Variants in HPD observed in about 807,000 individuals in gnomAD.
HPD encodes the protein 4-hydroxyphenylpyruvic acid oxidase.
HPD carries 35 observed loss-of-function variants against 56.9 expected under a neutral mutation model. That is an observed-to-expected ratio of 0.62 (90% CI 0.47 to 0.82). The LOEUF (loss-of-function observed/expected upper bound fraction) is 0.82. Ranked by LOEUF, HPD falls within the 40% of genes least tolerant of loss-of-function variation. The pLI is 0.00. For missense variants in HPD, 442 were observed against 506.8 expected (o/e 0.87, Z 1.23); for synonymous variants, 186 against 200.2 (o/e 0.93, Z 0.60).
chr12:121,883,197 T>C, the HPD span, among the ~76,000 whole-genome samples: 2 of 134,888 alleles, frequency 1.5e-5, no homozygotes, highest in Non-Finnish European at 3.0e-5. Flanking sequence ...TGTGTGTGTG[T>C]GTGTGTGTGT....
intron 6 of HPD, 53 bp from the exon 7 acceptor site, chr12:121,854,845 C>T: frequency 1.4e-6 from 2 of 1,387,264 alleles, no homozygotes; most frequent in Non-Finnish European, 2.1e-6. Context: ...CTTCCAGAAC[C>T]CTTGCCTGCT....
At chr12:121,865,946 C>T (rs779923223), upstream of HPD, among the ~76,000 whole-genome samples, 1 of 151,902 alleles carries the variant, frequency 6.6e-6, no homozygotes, top group Admixed American at 6.6e-5. Flanking sequence ...TAGATTGAGC[C>T]ACTGCACTCC....
the HPD span, among the ~76,000 whole-genome samples, chr12:121,885,214 T>C: frequency 6.6e-6 from 1 of 150,490 alleles, no homozygotes; most frequent in Non-Finnish European, 1.5e-5. Flanking sequence ...TGTATTTTTT[T>C]TTTTTTTAGA....
chr12:121,885,734 G>A, the HPD span, among the ~76,000 whole-genome samples: 5 of 151,702 alleles, frequency 3.3e-5, no homozygotes, highest in African/African-American at 1.2e-4. Flanking sequence ...AGGCTAAGGC[G>A]GGTGGATTGC....
the HPD span, among the ~76,000 whole-genome samples, chr12:121,882,049 T>A: frequency 6.6e-6 from 1 of 151,800 alleles, no homozygotes; most frequent in African/African-American, 2.4e-5. Context: ...CTCAAAGTGC[T>A]GGGATTACAG....
At chr12:121,847,010 C>T in intron 10 of HPD, 42 bp downstream of exon 10, 1 of 1,613,918 alleles carries the variant, frequency 6.2e-7, no homozygotes, top group Non-Finnish European at 8.5e-7. Flanking sequence ...GCCCCCAGAC[C>T]TCTTCCCTGC....
At chr12:121,855,560 T>C (rs1877960415) in intron 6 of HPD, among the ~76,000 whole-genome samples, 1 of 151,722 alleles carries the variant, frequency 6.6e-6, no homozygotes, top group African/African-American at 2.4e-5. Context: ...TCTACTAAAA[T>C]ACAAAAATTA....
In HPD at chr12:121,853,547, G is replaced by A. The variant is rs544228336; in HGVS notation, c.414+1156C>T. Among the ~76,000 whole-genome samples, 13 of 151,638 alleles carry A rather than the reference G, an allele frequency of 8.6e-5. No homozygotes were observed. In the East Asian group the frequency reaches 2.1e-3, roughly 25 times the overall value. The stretch of plus-strand genomic sequence containing the variant: ...TGAGGCAGGAGAATGGCGTGAACCC[G>A]GAAGGCAGCGCTTGCAGTGAGCCGA... On this transcript the variant is annotated intron_variant, in intron 7 of 13. Transcript: ENST00000289004.
the HPD span, among the ~76,000 whole-genome samples, chr12:121,883,397 A>G: frequency 6.6e-6 from 1 of 151,934 alleles, no homozygotes. Flanking sequence ...GCGCAACCTG[A>G]GACAGTTCAA....
the HPD span, among the ~76,000 whole-genome samples, chr12:121,871,128 G>A: frequency 8.5e-5 from 13 of 152,110 alleles, no homozygotes; most frequent in African/African-American, 2.9e-4. Flanking sequence ...TTGGGAGGCC[G>A]AGGCAGACAG....
upstream of HPD, chr12:121,859,278 C>T (rs117052734): frequency 3.4e-4 from 89 of 262,196 alleles, no homozygotes; most frequent in East Asian, 7.6e-3. Flanking sequence ...CTGAGAGGCA[C>T]GGCAGGAGAA....
upstream of HPD, among the ~76,000 whole-genome samples, chr12:121,866,587 G>A (rs556992000): frequency 2.1e-4 from 32 of 151,866 alleles, 1 homozygote; most frequent in African/African-American, 5.8e-4. Flanking sequence ...TCTGCTGTTG[G>A]GAGCACCCCA....
chr12:121,852,393 C>T (rs1877821950), intron 7 of HPD, among the ~76,000 whole-genome samples: 2 of 151,978 alleles, frequency 1.3e-5, no homozygotes, highest in Non-Finnish European at 2.9e-5. Context: ...TGGTCTCGAA[C>T]TCCTGGCCTC....
chr12:121,875,431 T>C, the HPD span, among the ~76,000 whole-genome samples: 350 of 150,086 alleles, frequency 2.3e-3, 7 homozygotes, highest in Admixed American at 0.017. Flanking sequence ...TTCTTTCTTT[T>C]TTTTTTTTTT....
At chr12:121,857,641 C>G (rs1399559665) in intron 3 of HPD, 116 bp downstream of exon 3, 2 of 962,474 alleles carry the variant, frequency 2.1e-6, no homozygotes, top group East Asian at 4.9e-5. Flanking sequence ...CTGGCCCACC[C>G]CTGGCCTGAT....
At chr12:121,852,425 C>T (rs1877823205) in intron 7 of HPD, among the ~76,000 whole-genome samples, 1 of 152,066 alleles carries the variant, frequency 6.6e-6, no homozygotes, top group Non-Finnish European at 1.5e-5. Flanking sequence ...CTGCCTCAGC[C>T]TCCCAAACTG....
chr12:121,854,052 A>T (rs186898600), intron 7 of HPD, among the ~76,000 whole-genome samples: 77 of 152,338 alleles, frequency 5.1e-4, no homozygotes, highest in African/African-American at 1.8e-3. Flanking sequence ...GATTGAGACC[A>T]TCCTGGCTAA....
chr12:121,852,609 A>ACCAAATGG, intron 7 of HPD, among the ~76,000 whole-genome samples: 1 of 127,490 alleles, frequency 7.8e-6, no homozygotes, highest in African/African-American at 3.1e-5. Flanking sequence ...TACACAAATG[A>ACCAAATGG]CCTCATTGGA....
chr12:121,868,854 T>A, the HPD span, among the ~76,000 whole-genome samples: 2 of 152,108 alleles, frequency 1.3e-5, no homozygotes, highest in African/African-American at 2.4e-5. Context: ...TTATAGTCTT[T>A]TTATTATTGA....
Sources: gnomAD v4.1 joint callset for allele counts (sites outside exome capture counted in the v4.1 genomes callset) on GRCh38, gnomAD v4.1.1 for gene constraint, MANE v1.5 for transcripts, NCBI Gene and HGNC (gene_info 2026-07-23, HGNC 2026-07-21) for gene names.